The following PRR32 variants were observed in gnomAD, a reference collection of about 807,000 sequenced individuals.
PRR32 encodes proline-rich protein 32.
A neutral mutation model predicts 1.3 loss-of-function variants in PRR32; 2 were observed. The observed-to-expected ratio is 1.49, with a 90% CI of 0.61 to 4.68. The LOEUF (loss-of-function observed/expected upper bound fraction) is 4.68. Ranked by LOEUF, PRR32 falls within the 30% of genes most tolerant of loss-of-function variation. The probability of loss-of-function intolerance (pLI) is 0.06; values close to 1 mark genes in which losing one functional copy is unlikely to be tolerated. For missense variants in PRR32, 241 were observed against 232.5 expected (o/e 1.04, Z -0.24); for synonymous variants, 107 against 88.7 (o/e 1.21, Z -1.16).
At position 126,821,057 on chromosome X, in the gene PRR32, T is replaced by G; in HGVS notation, c.419T>G (p.Ile140Arg). ...GTCTCTGGCGGCCCTCCTGCACTGA[T>G]AGTAGGGGGCACAAAGGTCAACAAT... The part of the protein sequence containing the change: ...WEVSGGPPAL[I>R]VGGTKVNNGG... The change falls in exon 2 of 2, where the codon ATA (isoleucine) becomes AGA (arginine). Residue 140 changes from isoleucine to arginine, a missense_variant. Transcript: ENST00000371125. The G allele has an allele frequency of 8.6e-7, 1 of 1,166,845 alleles. No homozygotes were observed. Among genetic ancestry groups the G allele is most frequent in the African/African-American group, 1.8e-5 (1 of 56,181 alleles).
Position 126,821,534 on chromosome X carries a change from G to C in PRR32, c.896G>C (p.Ter299SerextTer24), listed in dbSNP as rs776233585. ...APASPNREHS[*>S] ...GCATCACCCAACAGAGAGCACAGCT[G>C]ATGGCAAAAAGGAAGGATGAAAAAA... The change falls in exon 2 of 2, where the codon TGA becomes TCA. Residue 299 changes from the stop codon to serine (S), a stop_lost. Coordinates refer to ENST00000371125, the MANE Select transcript of PRR32 (RefSeq NM_001122716.2). The C allele has an allele frequency of 8.6e-7, 1 of 1,160,106 alleles. No individual in the cohort carries two copies. The highest frequency in any genetic ancestry group is 3.3e-5 in the East Asian group (1 of 30,632).
chrX:126,819,899 A>AAGGC, intron 1 of PRR32, 36 bp downstream of exon 1: 1 of 1,148,064 alleles, frequency 8.7e-7, no homozygotes, highest in African/African-American at 1.8e-5. Context: ...TTTAATTTTG[A>AAGGC]AGGCAAAGTC....
rs868288885 is a variant in PRR32, at chrX:126,820,667, G to A, written c.29G>A (p.Gly10Glu). The change falls in exon 2 of 2, where the codon GGG (glycine) becomes GAG (glutamate). Residue 10 changes from glycine (G) to glutamate (E), a missense_variant. Transcript: ENST00000371125. MACIENVLG[G>E]HAPSPLVVSV... ...ATTTCTGTTTTTGCAAGCCTTGGAG[G>A]GCACGCCCCTTCACCCTTGGTAGTA... 7.7e-6 allele frequency: 9 copies of A among 1,165,949 alleles called. No homozygotes were observed. Among genetic ancestry groups the A allele is most frequent in the African/African-American group, 7.1e-5 (4 of 56,218 alleles).
At position 126,821,186 on chromosome X, in the gene PRR32, A is replaced by G. The variant is rs748772573; in HGVS notation, c.548A>G (p.His183Arg). 2 of 1,167,869 alleles carry G rather than the reference A, an allele frequency of 1.7e-6. No individual in the cohort carries two copies. The highest frequency in any genetic ancestry group is 1.1e-6 in the Non-Finnish European group (1 of 873,025). Residue 183 changes from histidine (H) to arginine (R), a missense_variant, in exon 2 of 2, where the codon CAT (histidine) becomes CGT (arginine). Coordinates refer to ENST00000371125, the MANE Select transcript of PRR32 (RefSeq NM_001122716.2). Reference sequence around the variant, plus strand: ...GGCCCACAAGTGAGAGGCCCTTCACATATTCCCACCCTTAGATCAGGGATA... The same window carrying G: ...GGCCCACAAGTGAGAGGCCCTTCACGTATTCCCACCCTTAGATCAGGGATA... ...PRGPQVRGPSHIPTLRSGIVM... is the reference protein window; with the variant it reads ...PRGPQVRGPSRIPTLRSGIVM...
In PRR32 at chrX:126,820,789, C is replaced by T; in HGVS notation, c.151C>T (p.Pro51Ser). 4.3e-6 allele frequency: 5 copies of T among 1,167,665 alleles called. No homozygotes were observed. The highest frequency in any genetic ancestry group is 5.7e-6 in the Non-Finnish European group (5 of 872,973). The change falls in exon 2 of 2, where the codon CCT becomes TCT. Residue 51 changes from proline (P) to serine (S), a missense_variant. By Grantham distance (74) the Pro-to-Ser change is moderately conservative. Coordinates refer to ENST00000371125, the MANE Select transcript of PRR32 (RefSeq NM_001122716.2). The stretch of plus-strand genomic sequence containing the variant: ...GGATGACGCAGAGCCCTGGGGTCAA[C>T]CTCAAGTACCGCTGAGACCTTCCGT... ...PEDDAEPWGQPQVPLRPSVNV... is the reference protein window; with the variant it reads ...PEDDAEPWGQSQVPLRPSVNV...
chrX:126,821,143 G>T lies in PRR32; in HGVS notation c.505G>T (p.Gly169Trp). ...GCATGTAGCTTTGCCACAAGGTAAA[G>T]GGTTCTTTCCACCCAGGGGCCCACA... ...RLHVALPQGKGFFPPRGPQVR... is the reference protein window; with the variant it reads ...RLHVALPQGKWFFPPRGPQVR... The change falls in exon 2 of 2, where the codon GGG (glycine) becomes TGG (tryptophan). Residue 169 changes from glycine (G) to tryptophan (W), a missense_variant. Transcript: ENST00000371125. 1 of 1,167,938 alleles carries T rather than the reference G, an allele frequency of 8.6e-7. No homozygotes were observed.
Position 126,820,848 on chromosome X carries a change from G to A in PRR32, c.210G>A (p.Leu70=). The change falls in exon 2 of 2, where the codon CTG becomes CTA. Residue 70 remains leucine, a synonymous_variant. Coordinates refer to ENST00000371125, the MANE Select transcript of PRR32 (RefSeq NM_001122716.2). ...TGACTGATCTGGATAGCAAGCAACT[G>A]GAGTGGCCCTCTGAAAGAACAGGAT... ...NVLTDLDSKQ[L]EWPSERTGSC... 4.3e-6 allele frequency: 5 copies of A among 1,167,724 alleles called. No individual in the cohort carries two copies. The highest frequency in any genetic ancestry group is 5.7e-6 in the Non-Finnish European group (5 of 872,947).
In PRR32 at chrX:126,821,708, C is replaced by G; in HGVS notation, c.*173C>G. 1 of 574,554 alleles carries G rather than the reference C, an allele frequency of 1.7e-6. No homozygotes were observed. The highest frequency in any genetic ancestry group is 2.7e-6 in the Non-Finnish European group (1 of 376,742). 47.3% of individuals were successfully genotyped at this position (574,554 alleles called of 1,213,427 possible). A position where few individuals can be genotyped will look rare whatever the true frequency, so the allele number is the denominator to read the frequency against. Reference sequence around the variant, plus strand: ...TAGCACTAATGTGCCCTATTTGAAACCTTGTACCCTACCACACTCTGTTTA... The same window carrying G: ...TAGCACTAATGTGCCCTATTTGAAAGCTTGTACCCTACCACACTCTGTTTA... On this transcript the variant is annotated 3_prime_UTR_variant, in exon 2 of 2. Coordinates refer to ENST00000371125, the MANE Select transcript of PRR32 (RefSeq NM_001122716.2).
At position 126,820,940 on chromosome X, in the gene PRR32, A is replaced by C; in HGVS notation, c.302A>C (p.Glu101Ala). Residue 101 changes from glutamate to alanine, a missense_variant, in exon 2 of 2, where the codon GAA becomes GCA. Coordinates refer to ENST00000371125, the MANE Select transcript of PRR32 (RefSeq NM_001122716.2). ...TACGGGCCACCACCTGCTGTTGCAG[A>C]AGAGTCCCTAGCAACAGCAGAAGTA... ...HPYGPPPAVA[E>A]ESLATAEVNS... 1 of 1,167,439 alleles carries C rather than the reference A, an allele frequency of 8.6e-7. No individual in the cohort carries two copies. Among genetic ancestry groups the C allele is most frequent in the Non-Finnish European group, 1.1e-6 (1 of 872,809 alleles).
Position 126,821,353 on chromosome X carries a change from C to T in PRR32, c.715C>T (p.Pro239Ser). ...GTTGTCTTCCAGTACTCCAGGTTTA[C>T]CTTCTTGCTCTACTGTTCATTGTTT... ...IPLSSSTPGL[P>S]SCSTVHCFIP... Residue 239 changes from proline (P) to serine (S), a missense_variant, in exon 2 of 2, where the codon CCT (proline) becomes TCT (serine). By Grantham distance (74) the Pro-to-Ser change is moderately conservative. Transcript: ENST00000371125. 1 of 1,168,441 alleles carries T rather than the reference C, an allele frequency of 8.6e-7. No individual in the cohort carries two copies. Among genetic ancestry groups the T allele is most frequent in the African/African-American group, 1.8e-5 (1 of 56,349 alleles).
intron 1 of PRR32, 126 bp from the exon 2 acceptor site, chrX:126,820,533 A>G: frequency 2.3e-6 from 2 of 866,732 alleles, no homozygotes; most frequent in Non-Finnish European, 3.2e-6. Flanking sequence ...TTGGCTACAT[A>G]TAGGGGAGAG....
chrX:126,821,075 T>A lies in PRR32; in HGVS notation c.437T>A (p.Val146Asp). ...GCACTGATAGTAGGGGGCACAAAGG[T>A]CAACAATGGGGGCACTGAGAGAGGC... ...PPALIVGGTKVNNGGTERGSN... is the reference protein window; with the variant it reads ...PPALIVGGTKDNNGGTERGSN... The change falls in exon 2 of 2, where the codon GTC (valine) becomes GAC (aspartate). Residue 146 changes from valine (V) to aspartate (D), a missense_variant. Val to Asp is a radical substitution (Grantham distance 152, BLOSUM62 -3). Transcript: ENST00000371125. 1 of 1,166,997 alleles carries A rather than the reference T, an allele frequency of 8.6e-7. No homozygotes were observed. The highest frequency in any genetic ancestry group is 1.1e-6 in the Non-Finnish European group (1 of 872,782).
chrX:126,820,955 C>T lies in PRR32; in HGVS notation c.317C>T (p.Thr106Ile). 8.6e-7 allele frequency: 1 copy of T among 1,167,053 alleles called. No homozygotes were observed. Among genetic ancestry groups the T allele is most frequent in the Non-Finnish European group, 1.1e-6 (1 of 872,665 alleles). ...PPAVAEESLA[T>I]AEVNSSDALA... is the part of the protein sequence containing the mutation. Reference sequence around the variant, plus strand: ...GCTGTTGCAGAAGAGTCCCTAGCAACAGCAGAAGTAAACAGCTCTGATGCA... The same window carrying T: ...GCTGTTGCAGAAGAGTCCCTAGCAATAGCAGAAGTAAACAGCTCTGATGCA... Residue 106 changes from threonine to isoleucine, a missense_variant, in exon 2 of 2, where the codon ACA becomes ATA. Thr to Ile is a moderately conservative substitution (Grantham distance 89, BLOSUM62 -1). Coordinates refer to ENST00000371125, the MANE Select transcript of PRR32 (RefSeq NM_001122716.2).
rs2147297829 is a variant in PRR32, at chrX:126,819,761, G to A, written c.-83G>A. The A allele has an allele frequency of 1.1e-6, 1 of 905,121 alleles. No homozygotes were observed. Among genetic ancestry groups the A allele is most frequent in the East Asian group, 3.6e-5 (1 of 27,598 alleles). The allele number at this position is 905,121 out of a possible 1,213,427, so 74.6% of individuals were successfully genotyped here. A position where few individuals can be genotyped will look rare whatever the true frequency, so the allele number is the denominator to read the frequency against. Reference sequence around the variant, plus strand: ...TTGCCAAGCCTCTAAAGCAGAAGCAGGAGTCATTTCTCCAGACCTAGCTGG... The same window carrying A: ...TTGCCAAGCCTCTAAAGCAGAAGCAAGAGTCATTTCTCCAGACCTAGCTGG... On this transcript the variant is annotated 5_prime_UTR_variant, in exon 1 of 2. Coordinates refer to ENST00000371125, the MANE Select transcript of PRR32 (RefSeq NM_001122716.2).
rs951834301 is a variant in PRR32, at chrX:126,821,014, A to G, written c.376A>G (p.Ile126Val). The G allele has an allele frequency of 8.6e-7, 1 of 1,162,256 alleles. No homozygotes were observed. The highest frequency in any genetic ancestry group is 1.8e-5 in the African/African-American group (1 of 55,608). ...CTGGAGGCAGGAGGGACAGGATGCT[A>G]TTAATGTGTCCTGGGAAGTCTCTGG... ...AGWRQEGQDA[I>V]NVSWEVSGGP... Residue 126 changes from isoleucine (I) to valine (V), a missense_variant, in exon 2 of 2, where the codon ATT becomes GTT. Ile to Val is a conservative substitution (Grantham distance 29). Coordinates refer to ENST00000371125, the MANE Select transcript of PRR32 (RefSeq NM_001122716.2).
Position 126,821,720 on chromosome X carries a change from C to T in PRR32, c.*185C>T. The T allele has an allele frequency of 7.7e-6, 4 of 517,044 alleles. No individual in the cohort carries two copies. The highest frequency in any genetic ancestry group is 9.2e-6 in the Non-Finnish European group (3 of 326,452). The allele number at this position is 517,044 out of a possible 1,213,427, so 42.6% of individuals were successfully genotyped here. A position where few individuals can be genotyped will look rare whatever the true frequency, so the allele number is the denominator to read the frequency against. On this transcript the variant is annotated 3_prime_UTR_variant, in exon 2 of 2. Coordinates refer to ENST00000371125, the MANE Select transcript of PRR32 (RefSeq NM_001122716.2). ...GCCCTATTTGAAACCTTGTACCCTA[C>T]CACACTCTGTTTAGCACAAATGTGC...
rs1169546426 is a variant in PRR32, at chrX:126,820,990, T to C, written c.352T>C (p.Trp118Arg). 8.6e-7 allele frequency: 1 copy of C among 1,162,830 alleles called. No homozygotes were observed. Among genetic ancestry groups the C allele is most frequent in the East Asian group, 3.3e-5 (1 of 30,639 alleles). The change falls in exon 2 of 2, where the codon TGG (tryptophan) becomes CGG (arginine). Residue 118 changes from tryptophan (W) to arginine (R), a missense_variant. Physicochemically the swap from Trp to Arg is moderately radical, Grantham distance 101 (BLOSUM62 -3). Coordinates refer to ENST00000371125, the MANE Select transcript of PRR32 (RefSeq NM_001122716.2). ...AAACAGCTCTGATGCACTGGCAGGCTGGAGGCAGGAGGGACAGGATGCTAT... is the reference window on the plus strand; with the variant it reads ...AAACAGCTCTGATGCACTGGCAGGCCGGAGGCAGGAGGGACAGGATGCTAT... ...EVNSSDALAG[W>R]RQEGQDAINV...
chrX:126,821,208 G>A lies in PRR32; in HGVS notation c.570G>A (p.Gly190=). The A allele has an allele frequency of 8.6e-7, 1 of 1,167,854 alleles. No homozygotes were observed. The highest frequency in any genetic ancestry group is 1.1e-6 in the Non-Finnish European group (1 of 873,049). Residue 190 remains glycine, a synonymous_variant, in exon 2 of 2, where the codon GGG becomes GGA. Transcript: ENST00000371125. ...CACATATTCCCACCCTTAGATCAGG[G>A]ATAGTAATGGAGGTGCCGCCCGGAA... The part of the protein sequence containing the change: ...GPSHIPTLRS[G]IVMEVPPGNT...
chrX:126,821,643 T>C lies in PRR32; in HGVS notation c.*108T>C, dbSNP rs1157880833. ...CCTCCCACACTCTGTTTAGCACTAA[T>C]GTGCCCTACTTGAAACCACGTACCC... is the stretch of plus-strand genomic sequence containing the variant. On this transcript the variant is annotated 3_prime_UTR_variant, in exon 2 of 2. Transcript: ENST00000371125. 23 of 1,011,380 alleles carry C rather than the reference T, an allele frequency of 2.3e-5. No individual in the cohort carries two copies. Among genetic ancestry groups the C allele is most frequent in the Non-Finnish European group, 2.7e-5 (21 of 766,736 alleles). 83.3% of individuals were successfully genotyped at this position (1,011,380 alleles called of 1,213,427 possible).
Sources: allele counts gnomAD v4.1 joint callset, GRCh38; gene constraint gnomAD v4.1.1; transcripts MANE v1.5; gene names NCBI Gene and HGNC (gene_info 2026-07-23, HGNC 2026-07-21).